The following PTPN3 variants were observed in gnomAD, a reference collection of about 807,000 sequenced individuals.
PTPN3 encodes the protein protein tyrosine phosphatase non-receptor type 3, also known as tyrosine-protein phosphatase non-receptor type 3.
Under a neutral mutation model 132.7 loss-of-function variants are expected in PTPN3, and 96 were observed. The observed-to-expected ratio is 0.72, with a 90% CI of 0.61 to 0.86. PTPN3 has a LOEUF of 0.86. Ranked by LOEUF, PTPN3 falls within the 40% of genes least tolerant of loss-of-function variation. The pLI, the probability that PTPN3 is intolerant of heterozygous loss-of-function variation, is 0.00. For synonymous variants in PTPN3, 398 were observed against 429.0 expected (o/e 0.93, Z 0.89); for missense variants, 1,125 against 1,159.6 (o/e 0.97, Z 0.43).
intron 1 of PTPN3, among the ~76,000 whole-genome samples, chr9:109,491,620 T>G (rs1312583450): frequency 3.3e-5 from 5 of 152,328 alleles, no homozygotes; most frequent in East Asian, 1.9e-4. Flanking sequence ...AATAATTACA[T>G]TAATTAACTG....
At chr9:109,391,272 T>G (rs1173099766) in intron 20 of PTPN3, 73 bp from the exon 21 acceptor site, 5 of 1,451,276 alleles carry the variant, frequency 3.4e-6, no homozygotes, top group Non-Finnish European at 4.8e-6. Flanking sequence ...CAGAGTTCAG[T>G]TCCCAGCCCC....
the PTPN3 span, among the ~76,000 whole-genome samples, chr9:109,513,612 A>C: frequency 6.6e-6 from 1 of 152,166 alleles, no homozygotes; most frequent in Non-Finnish European, 1.5e-5. Flanking sequence ...ATACTTGTTA[A>C]CTGAGTGTAT....
intron 13 of PTPN3, 46 bp downstream of exon 13, chr9:109,422,672 G>A (rs756245863): frequency 6.6e-7 from 1 of 1,509,442 alleles, no homozygotes; most frequent in Admixed American, 2.1e-5. Context: ...AAGAGATAAA[G>A]TGTCTACTGT....
At chr9:109,417,628 C>A in intron 14 of PTPN3, 1 of 985,084 alleles carries the variant, frequency 1.0e-6, no homozygotes, top group Non-Finnish European at 1.2e-6. Context: ...GGAGGGCCAG[C>A]CTCCTCTGAA....
the PTPN3 span, among the ~76,000 whole-genome samples, chr9:109,521,989 G>GAGAGGCTTAA: frequency 6.6e-6 from 1 of 152,256 alleles, no homozygotes; most frequent in Non-Finnish European, 1.5e-5. Flanking sequence ...CCGAGGCTTA[G>GAGAGGCTTAA]AGAGGCTAGA....
chr9:109,412,252 A>C (rs571573174), intron 14 of PTPN3, among the ~76,000 whole-genome samples: 3 of 151,744 alleles, frequency 2.0e-5, no homozygotes, highest in Non-Finnish European at 4.4e-5. Flanking sequence ...TCTGTTGCCC[A>C]GGCTGGAGTG....
intron 7 of PTPN3, among the ~76,000 whole-genome samples, chr9:109,441,517 C>T (rs1844468788): frequency 6.6e-6 from 1 of 152,166 alleles, no homozygotes; most frequent in African/African-American, 2.4e-5. Context: ...TAGTATCATC[C>T]ACATCTGCCT....
At chr9:109,509,462 A>C in the PTPN3 span, among the ~76,000 whole-genome samples, 1 of 152,200 alleles carries the variant, frequency 6.6e-6, no homozygotes, top group Non-Finnish European at 1.5e-5. Context: ...TTCTCACTTT[A>C]ACACATTATA....
chr9:109,509,852 G>GA, the PTPN3 span, among the ~76,000 whole-genome samples: 54 of 143,572 alleles, frequency 3.8e-4, no homozygotes, highest in African/African-American at 4.8e-4. Flanking sequence ...TTATGGAAAG[G>GA]AAAAAAAAAA....
At chr9:109,415,205 C>T (rs188597216) in intron 14 of PTPN3, among the ~76,000 whole-genome samples, 8 of 152,136 alleles carry the variant, frequency 5.3e-5, no homozygotes, top group Admixed American at 4.6e-4. Flanking sequence ...AGGGCACTAT[C>T]CCTGCCCTCA....
intron 7 of PTPN3, among the ~76,000 whole-genome samples, chr9:109,439,172 G>A (rs1844271268): frequency 6.6e-6 from 1 of 152,154 alleles, no homozygotes; most frequent in Admixed American, 6.5e-5. Context: ...GACCATTGAG[G>A]AAACTGGGAA....
At chr9:109,468,403 G>A (rs1486439312) in intron 1 of PTPN3, among the ~76,000 whole-genome samples, 1 of 151,240 alleles carries the variant, frequency 6.6e-6, no homozygotes, top group Non-Finnish European at 1.5e-5. Flanking sequence ...GTCTTGCTCT[G>A]TCCCCCAGGC....
intron 9 of PTPN3, among the ~76,000 whole-genome samples, chr9:109,434,804 G>C (rs148802041): frequency 7.9e-5 from 12 of 152,306 alleles, no homozygotes; most frequent in African/African-American, 2.9e-4. Context: ...CTAGAAGGGG[G>C]CTTGGCATAT....
upstream of PTPN3, among the ~76,000 whole-genome samples, chr9:109,502,958 G>C (rs146967499): frequency 8.5e-5 from 13 of 152,320 alleles, no homozygotes; most frequent in African/African-American, 2.4e-4. Flanking sequence ...CAGAGAGGCA[G>C]GCTACAGAAG....
chr9:109,478,723 T>G (rs1846811751), intron 1 of PTPN3, among the ~76,000 whole-genome samples: 1 of 152,194 alleles, frequency 6.6e-6, no homozygotes, highest in African/African-American at 2.4e-5. Flanking sequence ...TAGAACAATC[T>G]TTTACAATGG....
intron 1 of PTPN3, among the ~76,000 whole-genome samples, chr9:109,476,889 T>C (rs533184507): frequency 6.6e-6 from 1 of 152,366 alleles, no homozygotes; most frequent in South Asian, 2.1e-4. Flanking sequence ...GGCCATTCCC[T>C]TTCCTGTTTC....
At chr9:109,416,771 A>G (rs747024923) in intron 14 of PTPN3, among the ~76,000 whole-genome samples, 14 of 152,232 alleles carry the variant, frequency 9.2e-5, no homozygotes, top group Middle Eastern at 3.4e-3. Flanking sequence ...GAAATAAAAA[A>G]CAATGGCTGC....
chr9:109,424,663 A>T (rs1367501238), intron 12 of PTPN3, among the ~76,000 whole-genome samples: 5 of 152,184 alleles, frequency 3.3e-5, no homozygotes, highest in African/African-American at 1.2e-4. Flanking sequence ...TTCCATCAAG[A>T]CACCAGGTAT....
At chr9:109,389,581 T>C (rs1164956797) in intron 21 of PTPN3, among the ~76,000 whole-genome samples, 1 of 152,228 alleles carries the variant, frequency 6.6e-6, no homozygotes, top group East Asian at 1.9e-4. Context: ...ATTAGATCTT[T>C]AAGATAAAAG....
Sources: allele counts gnomAD v4.1 joint callset (sites outside exome capture counted in the v4.1 genomes callset), GRCh38; gene constraint gnomAD v4.1.1; transcripts MANE v1.5; gene names NCBI Gene and HGNC (gene_info 2026-07-23, HGNC 2026-07-21).